STPG2: variants seen among roughly 807,000 people sequenced by gnomAD.
The protein encoded by STPG2 is sperm tail PG-rich repeat containing 2.
In STPG2, 56 loss-of-function variants were observed where a neutral mutation model predicts 54.2. That is an observed-to-expected ratio of 1.03 (90% CI 0.83 to 1.29). The LOEUF (loss-of-function observed/expected upper bound fraction) is 1.29. STPG2 is among the 50% of genes most tolerant of loss of function. STPG2 has a pLI of 0.00. For missense variants in STPG2, 596 were observed against 544.9 expected (o/e 1.09, Z -0.93); for synonymous variants, 200 against 181.8 (o/e 1.10, Z -0.81).
At chr4:97,995,225 G>A (rs914559736) in intron 5 of STPG2, among the ~76,000 whole-genome samples, 3 of 142,158 alleles carry the variant, frequency 2.1e-5, no homozygotes, top group African/African-American at 5.3e-5. Context: ...CAGTGAACAG[G>A]GATGAGAACT....
intron 5 of STPG2, among the ~76,000 whole-genome samples, chr4:98,094,166 G>A (rs1738775001): frequency 6.6e-6 from 1 of 152,190 alleles, no homozygotes; most frequent in Non-Finnish European, 1.5e-5. Context: ...TCTGCTTAAA[G>A]AGAGTGAAGA....
intron 8 of STPG2, among the ~76,000 whole-genome samples, chr4:97,868,409 C>T (rs1380886652): frequency 2.6e-5 from 4 of 151,886 alleles, no homozygotes; most frequent in Non-Finnish European, 5.9e-5. Context: ...ATCACAGGAA[C>T]TTCCTTTCAG....
intron 4 of STPG2, among the ~76,000 whole-genome samples, chr4:97,538,713 G>C (rs1245050500): frequency 6.6e-6 from 1 of 152,140 alleles, no homozygotes; most frequent in Non-Finnish European, 1.5e-5. Flanking sequence ...TACTCCTCAA[G>C]AAGAGCAACT....
intron 9 of STPG2, among the ~76,000 whole-genome samples, chr4:97,796,791 C>T (rs934312005): frequency 3.3e-5 from 5 of 152,124 alleles, no homozygotes; most frequent in African/African-American, 1.2e-4. Context: ...TTACTTTGGG[C>T]AGTATGGTCA....
At chr4:97,734,887 ATGG>A (rs1724923885) in intron 9 of STPG2, among the ~76,000 whole-genome samples, 1 of 152,086 alleles carries the variant, frequency 6.6e-6, no homozygotes, top group Admixed American at 6.6e-5. Context: ...CCTGGCTAAC[ATGG>A]TGAAACCCCA....
chr4:97,570,199 T>C (rs1265882692), intron 10 of STPG2, among the ~76,000 whole-genome samples: 1 of 152,152 alleles, frequency 6.6e-6, no homozygotes, highest in African/African-American at 2.4e-5. Flanking sequence ...GATAACATTA[T>C]TGTGATAATG....
intron 8 of STPG2, among the ~76,000 whole-genome samples, chr4:97,863,093 G>A (rs893660007): frequency 1.3e-5 from 2 of 151,636 alleles, no homozygotes; most frequent in African/African-American, 2.4e-5. Context: ...AAATAACTAA[G>A]ATCAGAGCAG....
intron 5 of STPG2, among the ~76,000 whole-genome samples, chr4:98,009,334 T>C (rs1735666543): frequency 6.6e-6 from 1 of 150,640 alleles, no homozygotes; most frequent in African/African-American, 2.5e-5. Flanking sequence ...ATTTCTTCTT[T>C]GGCCTGTTAG....
At chr4:97,681,561 A>T (rs1181320635) in intron 10 of STPG2, among the ~76,000 whole-genome samples, 1 of 151,894 alleles carries the variant, frequency 6.6e-6, no homozygotes, top group Non-Finnish European at 1.5e-5. Flanking sequence ...TTTATGGTAA[A>T]TGATAGCACG....
intron 9 of STPG2, among the ~76,000 whole-genome samples, chr4:97,821,429 G>A (rs1472717381): frequency 9.2e-5 from 14 of 152,180 alleles, no homozygotes; most frequent in Non-Finnish European, 1.5e-5. Flanking sequence ...AGCTTTTCCA[G>A]GTGCAGGGTA....
intron 10 of STPG2, among the ~76,000 whole-genome samples, chr4:97,701,324 C>G (rs564460547): frequency 1.3e-5 from 2 of 152,198 alleles, no homozygotes; most frequent in African/African-American, 4.8e-5. Context: ...TGAGCTAAAA[C>G]CCCTTTAATT....
intron 5 of STPG2, among the ~76,000 whole-genome samples, chr4:98,077,257 T>G (rs1578835530): frequency 6.6e-6 from 1 of 151,850 alleles, no homozygotes; most frequent in East Asian, 1.9e-4. Context: ...TTGTTGTTGT[T>G]GTTGGAGACA....
At chr4:97,795,091 A>G (rs913729922) in intron 9 of STPG2, among the ~76,000 whole-genome samples, 1 of 152,082 alleles carries the variant, frequency 6.6e-6, no homozygotes, top group African/African-American at 2.4e-5. Flanking sequence ...AGTTAATGAC[A>G]TTTCATTCCT....
At chr4:97,783,446 G>A (rs1160880584) in intron 9 of STPG2, among the ~76,000 whole-genome samples, 5 of 152,304 alleles carry the variant, frequency 3.3e-5, no homozygotes, top group East Asian at 1.9e-4. Flanking sequence ...AGAGGATTTC[G>A]AGAAATAGGA....
intron 10 of STPG2, among the ~76,000 whole-genome samples, chr4:97,702,239 C>T (rs1337596133): frequency 1.3e-5 from 2 of 152,158 alleles, no homozygotes; most frequent in African/African-American, 4.8e-5. Context: ...CCTTTTTTAA[C>T]TCCCTGAGCT....
chr4:97,732,748 A>AT lies in STPG2; in HGVS notation c.1205-19935_1205-19934insA, dbSNP rs1296921221. 3.3e-5 allele frequency among the ~76,000 whole-genome samples: 5 copies of AT among 152,190 alleles called. No individual in the cohort carries two copies. The East Asian group carries it at 9.6e-4, about 29-fold the overall frequency. The stretch of plus-strand genomic sequence containing the variant: ...ATTCAAACAAATCAGCAAGAAAAAA[A>AT]AAATAATCACATTAAAAAGTGAGTG... On this transcript the variant is annotated intron_variant, in intron 9 of 10. Transcript: ENST00000295268.
chr4:97,921,493 C>T (rs1732105885), intron 8 of STPG2, among the ~76,000 whole-genome samples: 1 of 151,708 alleles, frequency 6.6e-6, no homozygotes, highest in Non-Finnish European at 1.5e-5. Flanking sequence ...AAATTCTGGA[C>T]AATGACAAAA....
At chr4:97,664,834 C>A (rs527406955) in intron 10 of STPG2, among the ~76,000 whole-genome samples, 153 of 152,086 alleles carry the variant, frequency 1.0e-3, no homozygotes, top group Middle Eastern at 3.4e-3. Context: ...CTCGGCTGGG[C>A]AGGCTGTATT....
chr4:97,894,750 T>C lies in STPG2; in HGVS notation c.1044+49147A>G, dbSNP rs1411867576. ...TAAATTTATGTCAGTTCAGGAAGCT[T>C]GCACAAATTTCCAAATGCTGGTATC... On this transcript the variant is annotated intron_variant, in intron 8 of 10. Transcript: ENST00000295268. Among the ~76,000 whole-genome samples the C allele has an allele frequency of 2.6e-5, 4 of 152,070 alleles. No individual in the cohort carries two copies. The East Asian group carries it at 7.7e-4, about 29-fold the overall frequency.
Sources: gnomAD v4.1 joint callset for allele counts (sites outside exome capture counted in the v4.1 genomes callset) on GRCh38, gnomAD v4.1.1 for gene constraint, MANE v1.5 for transcripts, NCBI Gene and HGNC (gene_info 2026-07-23, HGNC 2026-07-21) for gene names.